TFB1M: variants seen among roughly 807,000 people sequenced by gnomAD.
TFB1M encodes the protein dimethyladenosine transferase 1, mitochondrial.
A neutral mutation model predicts 31.1 loss-of-function variants in TFB1M; 27 were observed. That is an observed-to-expected ratio of 0.87 (90% confidence interval 0.64 to 1.20). The LOEUF is 1.20. TFB1M is among the 50% of genes most tolerant of loss of function. The pLI is 0.00. For missense variants in TFB1M, 394 were observed against 418.7 expected (o/e 0.94, Z 0.51); for synonymous variants, 166 against 151.8 (o/e 1.09, Z -0.69).
intron 2 of TFB1M, among the ~76,000 whole-genome samples, chr6:155,309,291 T>C (rs1439223051): frequency 1.3e-5 from 2 of 152,238 alleles, no homozygotes; most frequent in African/African-American, 4.8e-5. Context: ...TGCTATGTGC[T>C]AGGCACTGTT....
chr6:155,262,916 G>C (rs369655864), intron 5 of TFB1M, among the ~76,000 whole-genome samples: 2 of 152,092 alleles, frequency 1.3e-5, no homozygotes, highest in Non-Finnish European at 2.9e-5. Context: ...CTATAGCGTC[G>C]ACTTCTAAAG....
chr6:155,257,108 A>G lies in TFB1M; in HGVS notation c.*728T>C. ...GAGTGTTTTTATGAAACAGAGAGCC[A>G]CGGAAAATCATAGTATGATTCAATC... On this transcript the variant is annotated 3_prime_UTR_variant, in exon 7 of 7. Coordinates refer to ENST00000367166, the MANE Select transcript of TFB1M (RefSeq NM_016020.4). The G allele has an allele frequency of 1.2e-6, 2 of 1,613,394 alleles. No homozygotes were observed. Among genetic ancestry groups the G allele is most frequent in the Non-Finnish European group, 1.7e-6 (2 of 1,179,840 alleles).
chr6:155,305,914 A>G (rs1314094731), intron 2 of TFB1M, among the ~76,000 whole-genome samples: 2 of 150,584 alleles, frequency 1.3e-5, no homozygotes, highest in Non-Finnish European at 1.5e-5. Context: ...GACATTGTTA[A>G]GAAAATAAAA....
Position 155,311,312 on chromosome 6 carries a change from A to C in TFB1M, c.161T>G (p.Leu54Arg). ...TDKIVRKAGN[L>R]TNAYVYEVGP... Reference sequence around the variant, plus strand: ...CACTTCGTAAACATAAGCATTTGTCAGATTGCCAGCTTTCCTTACAATCTT... The same window carrying C: ...CACTTCGTAAACATAAGCATTTGTCCGATTGCCAGCTTTCCTTACAATCTT... Residue 54 changes from leucine to arginine, a missense_variant, in exon 2 of 7, where the codon CTG becomes CGG. Physicochemically the swap from Leu to Arg is moderately radical, Grantham distance 102. Transcript: ENST00000367166. The C allele has an allele frequency of 6.2e-7, 1 of 1,614,066 alleles. No individual in the cohort carries two copies. Among genetic ancestry groups the C allele is most frequent in the Non-Finnish European group, 8.5e-7 (1 of 1,179,914 alleles).
chr6:155,243,509 C>T, the TFB1M span, among the ~76,000 whole-genome samples: 2 of 152,162 alleles, frequency 1.3e-5, no homozygotes, highest in African/African-American at 4.8e-5. Flanking sequence ...TGATATTAAA[C>T]TCTTTGAATT....
intron 5 of TFB1M, among the ~76,000 whole-genome samples, chr6:155,261,653 C>T (rs1017515592): frequency 6.6e-6 from 1 of 152,184 alleles, no homozygotes; most frequent in Non-Finnish European, 1.5e-5. Context: ...CATCAAGGCC[C>T]CGGACCCCTG....
At chr6:155,311,577 CAA>C (rs1401174223) in intron 1 of TFB1M, among the ~76,000 whole-genome samples, 1 of 152,190 alleles carries the variant, frequency 6.6e-6, no homozygotes, top group Non-Finnish European at 1.5e-5. Flanking sequence ...ATTATCATGA[CAA>C]AGTTTCTTAG....
chr6:155,256,638 CA>C lies in TFB1M; in HGVS notation c.*1197del, dbSNP rs1784052398. The C allele has an allele frequency of 6.2e-7, 1 of 1,614,058 alleles. No homozygotes were observed. The highest frequency in any genetic ancestry group is 1.1e-5 in the South Asian group (1 of 91,088). On this transcript the variant is annotated 3_prime_UTR_variant, in exon 7 of 7. Coordinates refer to ENST00000367166, the MANE Select transcript of TFB1M (RefSeq NM_016020.4). ...CCACGGCTGAGGGCAGGCAGGACTC[CA>C]AGAGCACTTCTCCCGGGAAATACCC...
chr6:155,306,583 A>C (rs1296843194), intron 2 of TFB1M, among the ~76,000 whole-genome samples: 1 of 152,232 alleles, frequency 6.6e-6, no homozygotes, highest in Non-Finnish European at 1.5e-5. Context: ...ACATGGATGA[A>C]CTGCAAAATA....
chr6:155,297,280 G>A (rs1219814111), intron 3 of TFB1M, among the ~76,000 whole-genome samples, 176 bp from the exon 4 acceptor site: 2 of 151,910 alleles, frequency 1.3e-5, no homozygotes. Flanking sequence ...CTCACAATCT[G>A]CTTTGGATTA....
chr6:155,278,751 G>A (rs67017476), intron 5 of TFB1M, among the ~76,000 whole-genome samples: 11,879 of 152,286 alleles, frequency 0.078, 577 homozygotes, highest in Non-Finnish European at 0.099. Context: ...AAGCCCTGGT[G>A]TGGGTGCATG....
At chr6:155,252,135 C>T (rs1583290764), downstream of TFB1M, 1 of 659,964 alleles carries the variant, frequency 1.5e-6, no homozygotes, top group African/African-American at 1.8e-5. Context: ...GTAACTAACC[C>T]CATCACATAC....
chr6:155,263,086 G>A (rs1250032178), intron 5 of TFB1M, among the ~76,000 whole-genome samples: 1 of 152,134 alleles, frequency 6.6e-6, no homozygotes, highest in Non-Finnish European at 1.5e-5. Flanking sequence ...GGGACGGCCA[G>A]GACCTCTCCT....
chr6:155,244,716 A>G, the TFB1M span: 1 of 1,614,106 alleles, frequency 6.2e-7, no homozygotes, highest in East Asian at 2.2e-5. Context: ...GTGTTTCTGG[A>G]GACCCTGGAG....
chr6:155,256,277 T>C lies in TFB1M; in HGVS notation c.*1559A>G. On this transcript the variant is annotated 3_prime_UTR_variant, in exon 7 of 7. Coordinates refer to ENST00000367166, the MANE Select transcript of TFB1M (RefSeq NM_016020.4). Reference sequence around the variant, plus strand: ...GCTCTGGTAATCTAAAAATGCTGAATTGCCTAACTTACAACTGTAAACCTA... The same window carrying C: ...GCTCTGGTAATCTAAAAATGCTGAACTGCCTAACTTACAACTGTAAACCTA... 1 of 674,854 alleles carries C rather than the reference T, an allele frequency of 1.5e-6. No homozygotes were observed. The highest frequency in any genetic ancestry group is 2.5e-6 in the Non-Finnish European group (1 of 405,016). 41.8% of individuals were successfully genotyped at this position (674,854 alleles called of 1,614,324 possible). A position where few individuals can be genotyped will look rare whatever the true frequency, so the allele number is the denominator to read the frequency against.
At chr6:155,283,984 G>A (rs1776507230) in intron 5 of TFB1M, among the ~76,000 whole-genome samples, 1 of 152,136 alleles carries the variant, frequency 6.6e-6, no homozygotes, top group Admixed American at 6.5e-5. Context: ...ATTATTCTAG[G>A]AGAAGTCATT....
the TFB1M span, among the ~76,000 whole-genome samples, chr6:155,234,023 A>G: frequency 1.3e-5 from 2 of 151,908 alleles, no homozygotes; most frequent in Non-Finnish European, 2.9e-5. Flanking sequence ...TTGGGGTTCA[A>G]TATCATTGCT....
At chr6:155,230,659 G>A in the TFB1M span, among the ~76,000 whole-genome samples, 5 of 151,724 alleles carry the variant, frequency 3.3e-5, no homozygotes, top group African/African-American at 4.8e-5. Flanking sequence ...AAATTCAACC[G>A]CTATAAAAAA....
chr6:155,258,236 C>T (rs1308012790), intron 6 of TFB1M, among the ~76,000 whole-genome samples, 154 bp from the exon 7 acceptor site: 1 of 152,182 alleles, frequency 6.6e-6, no homozygotes, highest in Admixed American at 6.5e-5. Context: ...TATATAGCAC[C>T]AGATAAGAGG....
Sources: allele counts gnomAD v4.1 joint callset (sites outside exome capture counted in the v4.1 genomes callset), GRCh38; gene constraint gnomAD v4.1.1; transcripts MANE v1.5; gene names NCBI Gene and HGNC (gene_info 2026-07-23, HGNC 2026-07-21).